ZNF550: variants seen among roughly 807,000 people sequenced by gnomAD.
ZNF550 encodes zinc finger protein 550.
ZNF550 carries 42 observed loss-of-function variants against 40.2 expected under a neutral mutation model. The observed-to-expected ratio is 1.05, with a 90% CI of 0.82 to 1.35. ZNF550 has a LOEUF of 1.35. ZNF550 is among the 40% of genes most tolerant of loss of function. The pLI is 0.00. For synonymous variants in ZNF550, 223 were observed against 198.6 expected (o/e 1.12, Z -1.03); for missense variants, 549 against 525.2 (o/e 1.05, Z -0.44).
chr19:57,544,011 C>G, intron 4 of ZNF550: 1 of 985,454 alleles, frequency 1.0e-6, no homozygotes, highest in Non-Finnish European at 1.2e-6. Flanking sequence ...ACAACTTTTA[C>G]TGTAAGTTCA....
chr19:57,547,051 G>A lies in ZNF550; in HGVS notation c.1193C>T (p.Pro398Leu), dbSNP rs755474829. The A allele has an allele frequency of 8.1e-6, 13 of 1,613,922 alleles. No homozygotes were observed. The South Asian group carries it at 1.2e-4, about 15-fold the overall frequency. Residue 398 changes from proline (P) to leucine (L), a missense_variant, in exon 4 of 5, where the codon CCC (proline) becomes CTC (leucine). Coordinates refer to ENST00000457177, the Ensembl canonical transcript of ZNF550. ...CTTCCCACACTCGATACACTTGTAGGGCATCTCCCCAGTGTGGATGACAGA... is the reference window on the plus strand; with the variant it reads ...CTTCCCACACTCGATACACTTGTAGAGCATCTCCCCAGTGTGGATGACAGA...
At position 57,544,813 on chromosome 19, in the gene ZNF550, A is replaced by G. The variant is rs140748215; in HGVS notation, c.*519-1570T>C. Among the ~76,000 whole-genome samples, 280 of 152,310 alleles carry G rather than the reference A, an allele frequency of 1.8e-3. 2 individuals carry two copies. The highest frequency in any genetic ancestry group is 6.2e-3 in the African/African-American group (258 of 41,574). On this transcript the variant is annotated intron_variant, in intron 4 of 4. Coordinates refer to ENST00000457177, the Ensembl canonical transcript of ZNF550. ...CTTGAAAACTAAAAGAAAATCTCAC[A>G]AAAGGAATTTCAAATTACCAGATTC...
In ZNF550 at chr19:57,552,921, C is replaced by T. The variant is rs974682664; in HGVS notation, c.155-199G>A. The stretch of plus-strand genomic sequence containing the variant: ...TCCCCATAAAAATCATATGTTGATG[C>T]CCTAACACCCAACGTGACTGTATAT... On this transcript the variant is annotated intron_variant, in intron 2 of 4. Transcript: ENST00000457177. 7.3e-6 allele frequency: 4 copies of T among 550,982 alleles called. No individual in the cohort carries two copies. The South Asian group carries it at 1.1e-4, about 15-fold the overall frequency. The allele number at this position is 550,982 out of a possible 1,614,324, so 34.1% of individuals were successfully genotyped here.
intron 4 of ZNF550, among the ~76,000 whole-genome samples, chr19:57,544,844 A>G (rs2089994189): frequency 6.6e-6 from 1 of 152,228 alleles, no homozygotes; most frequent in African/African-American, 2.4e-5. Context: ...GATTCAGGCT[A>G]AGTACAGTGG....
chr19:57,559,558 GACTGC>G, intron 1 of ZNF550, 93 bp downstream of exon 1: 1 of 1,232,466 alleles, frequency 8.1e-7, no homozygotes, highest in Non-Finnish European at 1.1e-6. Flanking sequence ...CAACGGCAGG[GACTGC>G]ACTGAGGACG....
chr19:57,552,705 G>C, exon 3 of ZNF550: 1 of 1,598,280 alleles, frequency 6.3e-7, no homozygotes, highest in Non-Finnish European at 8.5e-7. Context: ...ACCAACTCTG[G>C]TTTGGGAACC....
chr19:57,546,375 C>T (rs895803067), intron 4 of ZNF550: 31 of 553,342 alleles, frequency 5.6e-5, no homozygotes, highest in Middle Eastern at 9.0e-4. Flanking sequence ...AATAAAACCC[C>T]TTTACCTCTC....
chr19:57,561,171 T>A (rs1370624716), upstream of ZNF550, among the ~76,000 whole-genome samples: 3 of 152,200 alleles, frequency 2.0e-5, no homozygotes, highest in African/African-American at 7.2e-5. The surrounding 1 kb of genome is among the most constrained non-coding windows in gnomAD (Gnocchi z 4.9). Flanking sequence ...GTTGTTCGAA[T>A]TTTTCCATCC....
intron 3 of ZNF550, 140 bp from the exon 4 acceptor site, chr19:57,548,133 T>A: frequency 5.0e-6 from 4 of 792,172 alleles, no homozygotes; most frequent in Non-Finnish European, 7.9e-6. Flanking sequence ...TAACCCAGGT[T>A]ACCAAATACT....
At position 57,552,635 on chromosome 19, in the gene ZNF550, G is replaced by C. The variant is rs764269395; in HGVS notation, c.242C>G (p.Thr81Ser). Residue 81 changes from threonine to serine, a missense_variant, in exon 3 of 5, where the codon ACC becomes AGC. By Grantham distance (58) the Thr-to-Ser change is moderately conservative (BLOSUM62 1). Transcript: ENST00000457177. ...AGCTGGTGGCTGCTTACCTGCACAG[G>C]TAGCATGTGAGAGGCCTCTCTTCAC... is the stretch of plus-strand genomic sequence containing the variant. 1.9e-6 allele frequency: 3 copies of C among 1,596,968 alleles called. No individual in the cohort carries two copies. The East Asian group carries it at 6.7e-5, about 36-fold the overall frequency.
chr19:57,547,444 G>A (rs748717885), exon 4 of ZNF550: 22 of 1,614,062 alleles, frequency 1.4e-5, no homozygotes, highest in East Asian at 6.7e-5. Context: ...GCGTTTGAAG[G>A]CCTTCCCACA....
chr19:57,549,856 T>C (rs2090057403), intron 3 of ZNF550, among the ~76,000 whole-genome samples: 1 of 152,184 alleles, frequency 6.6e-6, no homozygotes, highest in Admixed American at 6.6e-5. Context: ...AAGAGGGTAC[T>C]GGAGACAGAA....
At chr19:57,546,687 C>T in exon 4 of ZNF550, 1 of 1,170,476 alleles carries the variant, frequency 8.5e-7, no homozygotes, top group East Asian at 3.9e-5. Flanking sequence ...CATGAGTTCT[C>T]TGATGTTGAT....
chr19:57,549,337 C>A (rs1405905084), intron 3 of ZNF550, among the ~76,000 whole-genome samples: 1 of 151,886 alleles, frequency 6.6e-6, no homozygotes, highest in Non-Finnish European at 1.5e-5. Flanking sequence ...CCCAGCTACT[C>A]GGGAGGCTGA....
intron 3 of ZNF550, among the ~76,000 whole-genome samples, chr19:57,549,754 G>GAAGTAC (rs1458425625): frequency 2.6e-5 from 4 of 152,212 alleles, no homozygotes; most frequent in African/African-American, 9.7e-5. Context: ...AAAAGGGATG[G>GAAGTAC]AAGTACACAC....
At chr19:57,557,697 T>A (rs1316316991) in intron 1 of ZNF550, among the ~76,000 whole-genome samples, 1 of 152,142 alleles carries the variant, frequency 6.6e-6, no homozygotes, top group Non-Finnish European at 1.5e-5. Flanking sequence ...GCAGGCACCC[T>A]TCACTAAGTC....
intron 2 of ZNF550, chr19:57,552,966 G>A: frequency 2.4e-6 from 1 of 423,328 alleles, no homozygotes; most frequent in Non-Finnish European, 4.2e-6. Context: ...ATCTTTAGAA[G>A]GTAATTAAAA....
At chr19:57,559,122 G>A (rs1436789136) in intron 1 of ZNF550, among the ~76,000 whole-genome samples, 2 of 152,146 alleles carry the variant, frequency 1.3e-5, no homozygotes, top group Non-Finnish European at 1.5e-5. Flanking sequence ...TCAGACTCCT[G>A]CTGGGGTTGA....
chr19:57,560,777 A>G (rs186059479), upstream of ZNF550, among the ~76,000 whole-genome samples: 5 of 152,240 alleles, frequency 3.3e-5, no homozygotes, highest in East Asian at 9.7e-4. Context: ...TGAGTGTATA[A>G]TTAGGTCTGG....
Sources: gnomAD v4.1 joint callset for allele counts (sites outside exome capture counted in the v4.1 genomes callset) on GRCh38, gnomAD v4.1.1 for gene constraint, Gnocchi (gnomAD v3.1) non-coding constraint, MANE v1.5 for transcripts, NCBI Gene and HGNC (gene_info 2026-07-23, HGNC 2026-07-21) for gene names.